Variants in RYK observed in about 807,000 individuals in gnomAD.
RYK encodes receptor like tyrosine kinase.
RYK carries 21 observed loss-of-function variants against 70.2 expected under a neutral mutation model. That is an observed-to-expected ratio of 0.30 (90% CI 0.21 to 0.43). The LOEUF (loss-of-function observed/expected upper bound fraction) is 0.43. Among genes scored for constraint, RYK ranks in the 20% least tolerant of loss-of-function variants. The pLI is 1.00. For missense variants in RYK, 604 were observed against 753.3 expected, an observed-to-expected ratio of 0.80 and a Z score of 2.32; for synonymous variants, 267 against 278.0, an observed-to-expected ratio of 0.96 and a Z score of 0.39.
At chr3:134,171,083 T>TA (rs1386766240) in intron 13 of RYK, 2 of 152,140 alleles carry the variant, frequency 1.3e-5, no homozygotes, top group Admixed American at 1.3e-4. Flanking sequence ...GGAGAATGAA[T>TA]AAAAAACTCT....
At chr3:134,189,919 T>C (rs888887230) in intron 8 of RYK, among the ~76,000 whole-genome samples, 1 of 152,150 alleles carries the variant, frequency 6.6e-6, no homozygotes, top group Non-Finnish European at 1.5e-5. Context: ...GAATCTCATT[T>C]TACTCTTTCT....
chr3:134,192,409 C>T (rs1307422733), intron 7 of RYK, among the ~76,000 whole-genome samples: 1 of 149,246 alleles, frequency 6.7e-6, no homozygotes, highest in East Asian at 2.1e-4. Flanking sequence ...TCAAACATCT[C>T]TTCATTTGAA....
intron 2 of RYK, among the ~76,000 whole-genome samples, chr3:134,216,742 G>A (rs2014563129): frequency 8.0e-6 from 1 of 125,600 alleles, no homozygotes; most frequent in South Asian, 2.7e-4. Flanking sequence ...GCAGTGAGCA[G>A]AGAAAGCGCC....
At chr3:134,200,945 G>C (rs2013994150) in intron 6 of RYK, among the ~76,000 whole-genome samples, 1 of 152,250 alleles carries the variant, frequency 6.6e-6, no homozygotes, top group Non-Finnish European at 1.5e-5. Flanking sequence ...AGCAGGCAGA[G>C]GTAGATGCCC....
At chr3:134,206,309 A>G (rs1269137228) in intron 5 of RYK, among the ~76,000 whole-genome samples, 3 of 152,214 alleles carry the variant, frequency 2.0e-5, no homozygotes, top group Non-Finnish European at 4.4e-5. Context: ...TGCAAAATCT[A>G]TCTGCCAGTT....
chr3:134,178,162 A>C (rs947242495), intron 10 of RYK, 89 bp from the exon 11 acceptor site: 1 of 883,946 alleles, frequency 1.1e-6, no homozygotes, highest in African/African-American at 1.8e-5. Flanking sequence ...AAACAAAACA[A>C]AATCCCCAAA....
At chr3:134,242,266 T>C (rs1050095797) in intron 1 of RYK, among the ~76,000 whole-genome samples, 3 of 151,288 alleles carry the variant, frequency 2.0e-5, no homozygotes, top group Non-Finnish European at 4.4e-5. Flanking sequence ...GATCATGCCA[T>C]TACACTCCAG....
intron 11 of RYK, among the ~76,000 whole-genome samples, chr3:134,177,625 A>C (rs1323637563): frequency 2.0e-5 from 3 of 152,238 alleles, no homozygotes; most frequent in Non-Finnish European, 4.4e-5. Flanking sequence ...TCCTAAGAGG[A>C]AGATCTAGGA....
chr3:134,248,044 C>T (rs1168419552), intron 1 of RYK, among the ~76,000 whole-genome samples: 3 of 152,158 alleles, frequency 2.0e-5, no homozygotes, highest in Non-Finnish European at 4.4e-5. Flanking sequence ...GTACACATCT[C>T]AGTCCTACCC....
intron 5 of RYK, among the ~76,000 whole-genome samples, chr3:134,203,305 T>G (rs2014089877): frequency 6.6e-6 from 1 of 152,110 alleles, no homozygotes; most frequent in Admixed American, 6.5e-5. Flanking sequence ...CCGAGATCGC[T>G]CCACTGTACT....
At chr3:134,227,432 C>T (rs887874309) in intron 1 of RYK, among the ~76,000 whole-genome samples, 2 of 151,712 alleles carry the variant, frequency 1.3e-5, no homozygotes, top group African/African-American at 2.4e-5. Flanking sequence ...GTGAAATTTA[C>T]ATGCCAACAA....
rs1406061835 is a variant in RYK, at chr3:134,159,223, T to C, written c.1712+14A>G. Reference sequence around the variant, plus strand: ...TGGAATAAAACTCATGCCTTCAAGCTCAAAAAAACTCACAATTCATCAGGA... The same window carrying C: ...TGGAATAAAACTCATGCCTTCAAGCCCAAAAAAACTCACAATTCATCAGGA... On this transcript the variant is annotated intron_variant, in intron 14 of 14. Coordinates refer to ENST00000623711, the MANE Select transcript of RYK (RefSeq NM_002958.4). The C allele has an allele frequency of 1.3e-5, 21 of 1,613,436 alleles. No individual in the cohort carries two copies. Among genetic ancestry groups the C allele is most frequent in the Non-Finnish European group, 1.8e-5 (21 of 1,179,612 alleles).
chr3:134,245,700 C>CTCCA (rs1233632507), intron 1 of RYK, among the ~76,000 whole-genome samples: 2 of 152,168 alleles, frequency 1.3e-5, no homozygotes, highest in African/African-American at 4.8e-5. Flanking sequence ...AGGCTACAGC[C>CTCCA]TCCATCCCTC....
At chr3:134,211,666 G>T in intron 2 of RYK, 59 bp from the exon 3 acceptor site, 2 of 1,124,064 alleles carry the variant, frequency 1.8e-6, no homozygotes, top group Non-Finnish European at 2.7e-6. Context: ...GATACTATCA[G>T]CTTGACTTCA....
At position 134,250,666 on chromosome 3, in the gene RYK, C is replaced by A. The variant is rs2015595917; in HGVS notation, c.-12G>T. 1.0e-6 allele frequency: 1 copy of A among 981,062 alleles called. No individual in the cohort carries two copies. The allele number at this position is 981,062 out of a possible 1,614,324, so 60.8% of individuals were successfully genotyped here. A position where few individuals can be genotyped will look rare whatever the true frequency, so the allele number is the denominator to read the frequency against. ...GCCGCCCCACGCATGGCCGCCGCCG[C>A]CGCCGCCGAAGAGGAGCGTCGGCCG... On this transcript the variant is annotated 5_prime_UTR_variant, in exon 1 of 15. Coordinates refer to ENST00000623711, the MANE Select transcript of RYK (RefSeq NM_002958.4).
intron 13 of RYK, among the ~76,000 whole-genome samples, chr3:134,173,643 A>G (rs1258561115): frequency 6.6e-6 from 1 of 152,164 alleles, no homozygotes; most frequent in East Asian, 1.9e-4. Context: ...CCTGCCCCCC[A>G]TGATCCAATT....
intron 13 of RYK, 106 bp from the exon 14 acceptor site, chr3:134,159,479 T>C (rs1238886819): frequency 1.8e-6 from 2 of 1,093,130 alleles, no homozygotes; most frequent in Non-Finnish European, 2.5e-6. Context: ...AACTCATGCT[T>C]TGGAAAAGCG....
At chr3:134,204,582 C>T (rs2014142269) in intron 5 of RYK, among the ~76,000 whole-genome samples, 1 of 102,482 alleles carries the variant, frequency 9.8e-6, no homozygotes, top group Admixed American at 1.1e-4. Flanking sequence ...CCCAATGACA[C>T]AGCCACAGCC....
intron 7 of RYK, among the ~76,000 whole-genome samples, chr3:134,193,229 G>A (rs868735945): frequency 6.6e-6 from 1 of 151,496 alleles, no homozygotes; most frequent in Non-Finnish European, 1.5e-5. Flanking sequence ...TGTTGCCTAG[G>A]CTGGAGTGCA....
Sources: allele counts gnomAD v4.1 joint callset (sites outside exome capture counted in the v4.1 genomes callset), GRCh38; gene constraint gnomAD v4.1.1; transcripts MANE v1.5; gene names NCBI Gene and HGNC (gene_info 2026-07-23, HGNC 2026-07-21).